The following FMNL2 variants were observed in gnomAD, a reference collection of about 807,000 sequenced individuals.
The protein encoded by FMNL2 is formin-like protein 2.
A neutral mutation model predicts 130.2 loss-of-function variants in FMNL2; 51 were observed. That is an observed-to-expected ratio of 0.39 (90% CI 0.31 to 0.49). The LOEUF (loss-of-function observed/expected upper bound fraction) is 0.49, where lower values mean the gene tolerates loss of function less well. FMNL2 is among the 20% of genes least tolerant of loss of function. FMNL2 has a pLI of 0.85. For missense variants in FMNL2, 977 were observed against 1,316.2 expected, an observed-to-expected ratio of 0.74 and a Z score of 3.99; for synonymous variants, 465 against 467.1, an observed-to-expected ratio of 1.00 and a Z score of 0.06.
chr2:152,465,527 GT>G (rs1395389156), intron 1 of FMNL2, among the ~76,000 whole-genome samples: 1 of 152,212 alleles, frequency 6.6e-6, no homozygotes, highest in African/African-American at 2.4e-5. Context: ...TTGGATGTGA[GT>G]CCAGGTACAG....
At chr2:152,601,005 T>C (rs908528890) in intron 9 of FMNL2, among the ~76,000 whole-genome samples, 1 of 152,170 alleles carries the variant, frequency 6.6e-6, no homozygotes, top group Non-Finnish European at 1.5e-5. Flanking sequence ...CCATGCTAGA[T>C]GAGAATTTTA....
At chr2:152,435,787 T>C (rs1687726255) in intron 1 of FMNL2, among the ~76,000 whole-genome samples, 1 of 152,252 alleles carries the variant, frequency 6.6e-6, no homozygotes, top group African/African-American at 2.4e-5. Context: ...AATTATGTTC[T>C]CAGCGAATTG....
At chr2:152,539,349 G>T in intron 2 of FMNL2, 1 of 162,422 alleles carries the variant, frequency 6.2e-6, no homozygotes, top group East Asian at 1.7e-4. Context: ...GAGGGTGGGT[G>T]GAATCAAGAG....
rs944453763 is a variant in FMNL2 at position 152,545,463 on chromosome 2, T to C, written c.282+2644T>C. 3.3e-5 allele frequency among the ~76,000 whole-genome samples: 5 copies of C among 152,346 alleles called. No homozygotes were observed. In the East Asian group the frequency reaches 9.6e-4, roughly 29 times the overall value. ...TTTTCTATTTAGATTTTCTTCTAAA[T>C]AGTTTTAAATGAAACCTCTCGGGCA... On this transcript the variant is annotated intron_variant, in intron 3 of 25. Coordinates refer to ENST00000288670, the MANE Select transcript of FMNL2 (RefSeq NM_052905.4).
At chr2:152,631,946 AG>A (rs937898712) in intron 20 of FMNL2, 61 bp from the exon 21 acceptor site, 1 of 1,537,482 alleles carries the variant, frequency 6.5e-7, no homozygotes, top group African/African-American at 1.4e-5. Flanking sequence ...TCGTCACCTG[AG>A]GGGTAAGTGT....
chr2:152,367,736 G>A (rs576588190), intron 1 of FMNL2, among the ~76,000 whole-genome samples: 2 of 152,282 alleles, frequency 1.3e-5, no homozygotes, highest in Non-Finnish European at 2.9e-5. Flanking sequence ...GTATTTTTCA[G>A]TGTTTTCTTG....
chr2:152,533,383 TTTTCATGAAC>T (rs1693814671), intron 2 of FMNL2, among the ~76,000 whole-genome samples: 2 of 152,172 alleles, frequency 1.3e-5, no homozygotes, highest in Non-Finnish European at 2.9e-5. Flanking sequence ...ACTGCTCTTT[TTTTCATGAAC>T]TACCTTGGTA....
intron 9 of FMNL2, among the ~76,000 whole-genome samples, chr2:152,594,221 C>T (rs917244763): frequency 1.3e-5 from 2 of 152,188 alleles, no homozygotes; most frequent in African/African-American, 4.8e-5. Context: ...TTTGTGTACA[C>T]ATGCCTATGT....
chr2:152,497,800 C>G (rs1168911398), intron 1 of FMNL2, among the ~76,000 whole-genome samples: 2 of 152,136 alleles, frequency 1.3e-5, no homozygotes, highest in Non-Finnish European at 2.9e-5. Flanking sequence ...GTCGGGTTTT[C>G]TGCTTTTCTG....
chr2:152,564,754 T>C (rs1695723319), intron 6 of FMNL2, among the ~76,000 whole-genome samples: 1 of 128,906 alleles, frequency 7.8e-6, no homozygotes, highest in Non-Finnish European at 1.6e-5. Flanking sequence ...AGACAAACAC[T>C]GCGTTCTAAA....
At chr2:152,503,322 G>C (rs932732779) in intron 1 of FMNL2, among the ~76,000 whole-genome samples, 2 of 152,142 alleles carry the variant, frequency 1.3e-5, no homozygotes, top group African/African-American at 4.8e-5. Context: ...GGGGAAGAAA[G>C]GGAGAGAATT....
At chr2:152,337,713 GCTA>G (rs1301555052) in intron 1 of FMNL2, among the ~76,000 whole-genome samples, 2 of 152,070 alleles carry the variant, frequency 1.3e-5, no homozygotes, top group Non-Finnish European at 2.9e-5. Flanking sequence ...GGTTGTTGTG[GCTA>G]CTTTTACACT....
chr2:152,418,806 C>G (rs936292020), intron 1 of FMNL2, among the ~76,000 whole-genome samples: 5 of 152,034 alleles, frequency 3.3e-5, no homozygotes, highest in Non-Finnish European at 5.9e-5. Context: ...GCTTTCAGTA[C>G]TTTTGAGTAT....
At chr2:152,627,522 G>C (rs1681874253) in intron 17 of FMNL2, among the ~76,000 whole-genome samples, 1 of 152,200 alleles carries the variant, frequency 6.6e-6, no homozygotes, top group Non-Finnish European at 1.5e-5. Context: ...TCCTCAACCA[G>C]GGTCATAATC....
At chr2:152,553,140 T>C (rs537309749) in intron 4 of FMNL2, among the ~76,000 whole-genome samples, 3 of 152,282 alleles carry the variant, frequency 2.0e-5, no homozygotes, top group South Asian at 4.1e-4. Context: ...CCCACCAGAC[T>C]TCTTTATGAA....
intron 1 of FMNL2, among the ~76,000 whole-genome samples, chr2:152,508,682 C>T (rs1388325995): frequency 1.3e-5 from 2 of 152,148 alleles, no homozygotes; most frequent in South Asian, 4.1e-4. Flanking sequence ...AGAAGCATAA[C>T]ACTGCTTTGT....
intron 1 of FMNL2, among the ~76,000 whole-genome samples, chr2:152,348,354 A>G (rs576621886): frequency 3.3e-5 from 5 of 152,308 alleles, no homozygotes; most frequent in Admixed American, 1.3e-4. Flanking sequence ...AAAGGCAAGG[A>G]TCATGTCTTA....
chr2:152,459,999 A>T (rs1212469391), intron 1 of FMNL2, among the ~76,000 whole-genome samples: 7 of 152,242 alleles, frequency 4.6e-5, no homozygotes, highest in African/African-American at 1.7e-4. Context: ...TGTTGAAAGA[A>T]GAGCTATTTT....
chr2:152,336,061 G>A, intron 1 of FMNL2, among the ~76,000 whole-genome samples: 1 of 150,974 alleles, frequency 6.6e-6, no homozygotes, highest in Non-Finnish European at 1.5e-5. Flanking sequence ...GGGAGGAGGA[G>A]GTGGCGAGCC....
Sources: gnomAD v4.1 joint callset for allele counts (sites outside exome capture counted in the v4.1 genomes callset) on GRCh38, gnomAD v4.1.1 for gene constraint, MANE v1.5 for transcripts, NCBI Gene and HGNC (gene_info 2026-07-23, HGNC 2026-07-21) for gene names.